Variants in NEK7 observed in about 807,000 individuals in gnomAD.
NEK7 encodes NIMA related kinase 7, also known as serine/threonine-protein kinase Nek7.
A neutral mutation model predicts 44.6 loss-of-function variants in NEK7; 18 were observed. That is an observed-to-expected ratio of 0.40 (90% CI 0.28 to 0.60). NEK7 has a LOEUF of 0.60. Among genes scored for constraint, NEK7 ranks in the 20% least tolerant of loss-of-function variants. The pLI is 0.38. For synonymous variants in NEK7, 130 were observed against 121.1 expected, an observed-to-expected ratio of 1.07 and a Z score of -0.48; for missense variants, 256 against 366.5, an observed-to-expected ratio of 0.70 and a Z score of 2.46.
chr1:198,278,129 T>A, intron 6 of NEK7, 60 bp downstream of exon 6: 1 of 908,088 alleles, frequency 1.1e-6, no homozygotes, highest in Non-Finnish European at 1.8e-6. Context: ...TTCTTCAAAG[T>A]AAATGTCTTC....
intron 8 of NEK7, 59 bp from the exon 9 acceptor site, chr1:198,297,068 T>C: frequency 9.2e-7 from 1 of 1,091,432 alleles, no homozygotes; most frequent in East Asian, 2.4e-5. Context: ...ATATACTTGA[T>C]GAAATCACCT....
chr1:198,220,564 A>T (rs945239561), intron 1 of NEK7, among the ~76,000 whole-genome samples: 11 of 152,030 alleles, frequency 7.2e-5, no homozygotes, highest in African/African-American at 2.7e-4. Context: ...CTAAGCACTT[A>T]TTTTTTTGCA....
chr1:198,202,585 A>G (rs1665464028), intron 1 of NEK7, among the ~76,000 whole-genome samples: 1 of 152,220 alleles, frequency 6.6e-6, no homozygotes, highest in Admixed American at 6.5e-5. Flanking sequence ...TCTGTTCTGA[A>G]AAAGAAGTCT....
rs1425862680 is a variant in NEK7 at position 198,309,757 on chromosome 1, T to A, written c.799-9655T>A. On this transcript the variant is annotated intron_variant, in intron 9 of 9. Coordinates refer to ENST00000367385, the MANE Select transcript of NEK7 (RefSeq NM_133494.3). ...TGATTTCCAATTTCATCCATATCCC[T>A]ACAAAGGACATGAATTCATCATTTT... Among the ~76,000 whole-genome samples, 4 of 152,212 alleles carry A rather than the reference T, an allele frequency of 2.6e-5. No homozygotes were observed. In the East Asian group the frequency reaches 7.7e-4, roughly 29 times the overall value.
At chr1:198,170,835 C>A (rs891178565) in intron 1 of NEK7, among the ~76,000 whole-genome samples, 4 of 152,008 alleles carry the variant, frequency 2.6e-5, no homozygotes, top group African/African-American at 9.7e-5. Flanking sequence ...TTTATGATCT[C>A]TTTATTTGGT....
chr1:198,242,980 T>TA (rs1364691689), intron 2 of NEK7, among the ~76,000 whole-genome samples: 28 of 152,078 alleles, frequency 1.8e-4, no homozygotes, highest in Admixed American at 1.8e-3. Flanking sequence ...GCTCAGTGCT[T>TA]ACCTCTTTAA....
intron 2 of NEK7, among the ~76,000 whole-genome samples, chr1:198,251,888 G>T (rs1653011218): frequency 6.6e-6 from 1 of 152,090 alleles, no homozygotes; most frequent in African/African-American, 2.4e-5. Flanking sequence ...GTTCTGCTCT[G>T]ATTTTAGTTA....
chr1:198,290,722 T>C (rs1267794063), intron 7 of NEK7, among the ~76,000 whole-genome samples: 1 of 152,156 alleles, frequency 6.6e-6, no homozygotes, highest in Non-Finnish European at 1.5e-5. Flanking sequence ...AAGAGGTGAG[T>C]AGCATCCTTA....
intron 1 of NEK7, among the ~76,000 whole-genome samples, chr1:198,230,548 A>T (rs1666357313): frequency 6.6e-6 from 1 of 152,100 alleles, no homozygotes; most frequent in African/African-American, 2.4e-5. Context: ...GGGCATCTAT[A>T]AAAAATGTAT....
At chr1:198,270,568 C>A (rs924433434) in intron 5 of NEK7, among the ~76,000 whole-genome samples, 1 of 151,900 alleles carries the variant, frequency 6.6e-6, no homozygotes, top group Non-Finnish European at 1.5e-5. Flanking sequence ...ATAAATAAGA[C>A]CATCATTTCT....
chr1:198,278,276 TCTTACTAACC>T (rs1222145156), intron 6 of NEK7, among the ~76,000 whole-genome samples: 20 of 151,592 alleles, frequency 1.3e-4, no homozygotes, highest in African/African-American at 4.4e-4. Context: ...CTTTTGAGCA[TCTTACTAACC>T]AGTAAGATGC....
At chr1:198,175,011 G>T (rs548904740) in intron 1 of NEK7, among the ~76,000 whole-genome samples, 1 of 152,270 alleles carries the variant, frequency 6.6e-6, no homozygotes, top group African/African-American at 2.4e-5. Flanking sequence ...TCCCACCGTG[G>T]CTTCCCAAAG....
chr1:198,242,401 CTT>C (rs111872515), intron 2 of NEK7, among the ~76,000 whole-genome samples: 62 of 134,146 alleles, frequency 4.6e-4, no homozygotes, highest in Admixed American at 6.0e-4. Context: ...CTTTCTTTTT[CTT>C]TTTTTTTTTT....
At chr1:198,280,904 C>T (rs1160112582) in intron 7 of NEK7, among the ~76,000 whole-genome samples, 2 of 151,322 alleles carry the variant, frequency 1.3e-5, no homozygotes, top group Admixed American at 6.6e-5. Context: ...ACAGATGAAT[C>T]ATAGAATATA....
At chr1:198,178,479 A>G (rs1664666795) in intron 1 of NEK7, among the ~76,000 whole-genome samples, 1 of 152,046 alleles carries the variant, frequency 6.6e-6, no homozygotes, top group Admixed American at 6.6e-5. Flanking sequence ...AGATTACCAG[A>G]CTTTTCCAAG....
chr1:198,229,400 T>A (rs1362043749), intron 1 of NEK7, among the ~76,000 whole-genome samples: 1 of 152,188 alleles, frequency 6.6e-6, no homozygotes, highest in Non-Finnish European at 1.5e-5. Context: ...TGAGCCGCTC[T>A]GGCAAATAAA....
chr1:198,184,196 T>C (rs1016272354), intron 1 of NEK7, among the ~76,000 whole-genome samples: 4 of 152,216 alleles, frequency 2.6e-5, no homozygotes, highest in Non-Finnish European at 5.9e-5. Flanking sequence ...TATGCAAGGA[T>C]TTGACTTTAT....
At chr1:198,259,493 C>T (rs910201332) in intron 3 of NEK7, among the ~76,000 whole-genome samples, 3 of 152,098 alleles carry the variant, frequency 2.0e-5, no homozygotes, top group South Asian at 2.1e-4. Flanking sequence ...CAATTTTGTG[C>T]TTTCCAGTAT....
At chr1:198,267,265 C>T (rs1184549925) in intron 5 of NEK7, among the ~76,000 whole-genome samples, 1 of 150,666 alleles carries the variant, frequency 6.6e-6, no homozygotes, top group East Asian at 2.0e-4. Context: ...CATGCACACA[C>T]ACCTGTTCCT....
Sources: gnomAD v4.1 joint callset for allele counts (sites outside exome capture counted in the v4.1 genomes callset) on GRCh38, gnomAD v4.1.1 for gene constraint, MANE v1.5 for transcripts, NCBI Gene and HGNC (gene_info 2026-07-23, HGNC 2026-07-21) for gene names.